The following TNS2 variants were observed in gnomAD, a reference collection of about 807,000 sequenced individuals.
TNS2 encodes tensin-2.
In TNS2, 77 loss-of-function variants were observed where a neutral mutation model predicts 155.7. The observed-to-expected ratio is 0.49, with a 90% CI of 0.41 to 0.60. The LOEUF is 0.60. Ranked by LOEUF, TNS2 falls within the 20% of genes least tolerant of loss-of-function variation. TNS2 has a pLI of 0.00. For missense variants in TNS2, 1,703 were observed against 1,868.8 expected (o/e 0.91, Z 1.64); for synonymous variants, 726 against 763.9 (o/e 0.95, Z 0.82).
chr12:53,048,491 G>T (rs2121037613), upstream of TNS2, among the ~76,000 whole-genome samples: 1 of 152,348 alleles, frequency 6.6e-6, no homozygotes, highest in African/African-American at 2.4e-5. Flanking sequence ...TCTCCCCCAA[G>T]CAGGGCTGGG....
rs565951518 is a variant in TNS2 at position 53,062,565 on chromosome 12, A to G, written c.3746-55A>G. The G allele has an allele frequency of 2.7e-5, 44 of 1,608,854 alleles. No individual in the cohort carries two copies. In the South Asian group the frequency reaches 4.5e-4, roughly 16 times the overall value. The stretch of plus-strand genomic sequence containing the variant: ...CTTGGGGAAGCAGAGGGAGTGCTCC[A>G]GCCTGGGGAACACTCTGCCTTCTGA... On this transcript the variant is annotated intron_variant, in intron 24 of 28. Coordinates refer to ENST00000314250, the MANE Select transcript of TNS2 (RefSeq NM_170754.4).
At chr12:53,056,313 C>T (rs7134440) in intron 10 of TNS2, 15,916 of 157,348 alleles carry the variant, frequency 0.1, 887 homozygotes, top group African/African-American at 0.15. Flanking sequence ...TGAGCCCACA[C>T]GGTGCCACTG....
rs746968749 is a variant in TNS2 at position 53,062,386 on chromosome 12, C to T, written c.3678C>T (p.Ser1226=). 2.4e-5 allele frequency: 38 copies of T among 1,613,890 alleles called. No individual in the cohort carries two copies. The highest frequency in any genetic ancestry group is 1.6e-4 in the Middle Eastern group (1 of 6,080). The change falls in exon 24 of 29, where the codon TCC becomes TCT. Residue 1226 remains serine (S), a synonymous_variant. Transcript: ENST00000314250. ...CCTCCTCTCCCACAGGCAGCCTGTC[C>T]GCCTTGGTCTCCCAGCACTCCATCT... The part of the protein sequence containing the change: ...CPSEPYFGSL[S]ALVSQHSISP...
chr12:53,049,277 G>T (rs759777802), upstream of TNS2: 5 of 1,588,188 alleles, frequency 3.1e-6, no homozygotes, highest in East Asian at 9.1e-5. Context: ...GGTTGCCGCG[G>T]GGGGAGGGTG....
In TNS2 at chr12:53,060,470, C is replaced by T; in HGVS notation, c.2683C>T (p.Arg895Ter). 1.2e-6 allele frequency: 2 copies of T among 1,613,762 alleles called. No individual in the cohort carries two copies. Among genetic ancestry groups the T allele is most frequent in the Non-Finnish European group, 8.5e-7 (1 of 1,179,978 alleles). The change falls in exon 19 of 29, where the codon CGA becomes TGA. Residue 895 changes from arginine (R) to a stop codon, truncating the protein, a stop_gained. Coordinates refer to ENST00000314250, the MANE Select transcript of TNS2 (RefSeq NM_170754.4). LOFTEE classifies it high-confidence loss of function. This position sits in a 1 kb window ranked among gnomAD's most constrained non-coding sequence, Gnocchi z 6.1. ...GCACAGCACACTGCCTCGGTCTCCC[C>T]GAGATGCCCCATGCAGTGCTTCGTC... The part of the protein sequence containing the change: ...SGHSTLPRSP[R>*]DAPCSASSEL...
At position 53,054,334 on chromosome 12, in the gene TNS2, C is replaced by A. The variant is rs893412062; in HGVS notation, c.415C>A (p.Arg139Ser). The change falls in exon 7 of 29, where the codon CGC becomes AGC. Residue 139 changes from arginine (R) to serine (S), a missense_variant. Transcript: ENST00000314250. ...WDLDLTYVTERILAAAFPARP... is the reference protein window; with the variant it reads ...WDLDLTYVTESILAAAFPARP... ...CTTAGACCTCACCTACGTGACGGAGCGCATCTTGGCCGCCGCCTTCCCCGC... is the reference window on the plus strand; with the variant it reads ...CTTAGACCTCACCTACGTGACGGAGAGCATCTTGGCCGCCGCCTTCCCCGC... 1.9e-6 allele frequency: 3 copies of A among 1,613,094 alleles called. No homozygotes were observed. The Admixed American group carries it at 5.0e-5, about 27-fold the overall frequency.
Position 53,060,509 on chromosome 12 carries a change from C to G in TNS2, c.2722C>G (p.Pro908Ala), listed in dbSNP as rs368399597. The G allele has an allele frequency of 1.2e-6, 2 of 1,613,706 alleles. No homozygotes were observed. Among genetic ancestry groups the G allele is most frequent in the African/African-American group, 2.7e-5 (2 of 74,880 alleles). Reference sequence around the variant, plus strand: ...CAGTGCTTCGTCAGAGTTGTCTGGTCCCTCCACGCCCCTGCACACCAGCAG... The same window carrying G: ...CAGTGCTTCGTCAGAGTTGTCTGGTGCCTCCACGCCCCTGCACACCAGCAG... ...PCSASSELSG[P>A]STPLHTSSPV... is the part of the protein sequence containing the mutation. The change falls in exon 19 of 29, where the codon CCC (proline) becomes GCC (alanine). Residue 908 changes from proline (P) to alanine (A), a missense_variant. By Grantham distance (27) the Pro-to-Ala change is conservative (BLOSUM62 -1). Transcript: ENST00000314250. This position sits in a 1 kb window ranked among gnomAD's most constrained non-coding sequence, Gnocchi z 6.1.
chr12:53,062,584 C>T (rs1397243365), intron 24 of TNS2, 36 bp from the exon 25 acceptor site: 5 of 1,612,264 alleles, frequency 3.1e-6, no homozygotes, highest in Admixed American at 3.3e-5. Flanking sequence ...AACACTCTGC[C>T]TTCTGAGCTT....
chr12:53,059,156 C>T lies in TNS2; in HGVS notation c.1515C>T (p.Pro505=). Residue 505 remains proline, a synonymous_variant, in exon 18 of 29, where the codon CCC becomes CCT. Transcript: ENST00000314250. This position sits in a 1 kb window ranked among gnomAD's most constrained non-coding sequence, Gnocchi z 4.7. Reference sequence around the variant, plus strand: ...CCTCTCCAGAGCCTCCACCACCCCCCATGCTCTCTGTCAGCAGCGACTCAG... The same window carrying T: ...CCTCTCCAGAGCCTCCACCACCCCCTATGCTCTCTGTCAGCAGCGACTCAG... ...PAPSPEPPPP[P]MLSVSSDSGH... 1 of 1,600,066 alleles carries T rather than the reference C, an allele frequency of 6.2e-7. No homozygotes were observed. The highest frequency in any genetic ancestry group is 8.5e-7 in the Non-Finnish European group (1 of 1,176,966).
chr12:53,049,229 G>A (rs1444307992), upstream of TNS2: 1 of 1,606,882 alleles, frequency 6.2e-7, no homozygotes, highest in Non-Finnish European at 8.5e-7. Flanking sequence ...AAGGAGAGCA[G>A]ACCCAGGAGA....
intron 7 of TNS2, 92 bp downstream of exon 7, chr12:53,054,533 G>A: frequency 1.4e-6 from 2 of 1,397,766 alleles, no homozygotes; most frequent in Non-Finnish European, 1.9e-6. Flanking sequence ...GCGGAGGCGA[G>A]GCCGCCAGGG....
chr12:53,049,964 C>T, upstream of TNS2: 2 of 1,132,738 alleles, frequency 1.8e-6, no homozygotes, highest in Non-Finnish European at 2.4e-6. Context: ...CTCCTGGCCT[C>T]CCCCACATCC....
Position 53,053,817 on chromosome 12 carries a change from G to A in TNS2, c.300+5G>A. 1 of 1,613,374 alleles carries A rather than the reference G, an allele frequency of 6.2e-7. No homozygotes were observed. The highest frequency in any genetic ancestry group is 1.1e-5 in the South Asian group (1 of 91,068). On this transcript the variant is annotated splice_donor_5th_base_variant and intron_variant, in intron 5 of 28. Coordinates refer to ENST00000314250, the MANE Select transcript of TNS2 (RefSeq NM_170754.4). ...GTCAGGCGCATAGAGCACCTGGTAAGGTGATGCTGGAGCAGGAGGGGGAAG... is the reference window on the plus strand; with the variant it reads ...GTCAGGCGCATAGAGCACCTGGTAAAGTGATGCTGGAGCAGGAGGGGGAAG...
At chr12:53,055,457 G>A in intron 8 of TNS2, 111 bp from the exon 9 acceptor site, 2 of 1,368,504 alleles carry the variant, frequency 1.5e-6, no homozygotes, top group Non-Finnish European at 2.0e-6. Flanking sequence ...TGGACAACCA[G>A]CAGACCCCCA....
chr12:53,062,235 G>C lies in TNS2; in HGVS notation c.3657G>C (p.Glu1219Asp). Residue 1219 changes from glutamate to aspartate, a missense_variant, in exon 23 of 29, where the codon GAG (glutamate) becomes GAC (aspartate). Transcript: ENST00000314250. Reference protein sequence around the residue: ...KGVKIKGCPSEPYFGSLSALV... With the variant: ...KGVKIKGCPSDPYFGSLSALV... ...TGAAGATCAAGGGCTGCCCCAGTGAGCCCTACTTTGGTGAGAAGCAGGAGC... is the reference window on the plus strand; with the variant it reads ...TGAAGATCAAGGGCTGCCCCAGTGACCCCTACTTTGGTGAGAAGCAGGAGC... The C allele has an allele frequency of 1.2e-6, 2 of 1,614,036 alleles. No homozygotes were observed. Among genetic ancestry groups the C allele is most frequent in the Non-Finnish European group, 1.7e-6 (2 of 1,179,960 alleles).
rs1347113011 is a variant in TNS2 at position 53,062,219 on chromosome 12, A to G, written c.3641A>G (p.Lys1214Arg). The part of the protein sequence containing the change: ...IETGPKGVKI[K>R]GCPSEPYFGS... ...ACTGGGCCCAAAGGGGTGAAGATCA[A>G]GGGCTGCCCCAGTGAGCCCTACTTT... The change falls in exon 23 of 29, where the codon AAG becomes AGG. Residue 1214 changes from lysine (K) to arginine (R), a missense_variant. Lys to Arg is a conservative substitution (Grantham distance 26). Coordinates refer to ENST00000314250, the MANE Select transcript of TNS2 (RefSeq NM_170754.4). The G allele has an allele frequency of 6.2e-7, 1 of 1,614,044 alleles. No individual in the cohort carries two copies. The highest frequency in any genetic ancestry group is 8.5e-7 in the Non-Finnish European group (1 of 1,179,966).
rs748132194 is a variant in TNS2, at chr12:53,063,413, C to T, written c.4057C>T (p.Arg1353Trp). ...CTTCTCCAGCACTGACCCTCAAGAC[C>T]GGAGGTGACTCTCCCTCCAAACCCT... ...ITFSSTDPQD[R>W]RWTNPDGTTS... Residue 1353 changes from arginine (R) to tryptophan (W), a missense_variant, in exon 27 of 29, where the codon CGG becomes TGG. Arg to Trp is a moderately radical substitution (Grantham distance 101). Coordinates refer to ENST00000314250, the MANE Select transcript of TNS2 (RefSeq NM_170754.4). The surrounding 1 kb of genome is among the most constrained non-coding windows in gnomAD (Gnocchi z 5.6). The T allele has an allele frequency of 2.5e-6, 4 of 1,613,974 alleles. No individual in the cohort carries two copies. Among genetic ancestry groups the T allele is most frequent in the East Asian group, 2.2e-5 (1 of 44,876 alleles).
upstream of TNS2, among the ~76,000 whole-genome samples, chr12:53,047,948 A>G (rs1943786255): frequency 6.6e-6 from 1 of 152,000 alleles, no homozygotes. Flanking sequence ...TTCCAACCAC[A>G]GCTATTTCCA....
upstream of TNS2, chr12:53,050,032 A>G: frequency 7.0e-7 from 1 of 1,435,722 alleles, no homozygotes; most frequent in Non-Finnish European, 9.1e-7. This position sits in a 1 kb window ranked among gnomAD's most constrained non-coding sequence, Gnocchi z 4.7. Context: ...ACTTCCCTCC[A>G]CTTCCAGGGC....
Sources: allele counts gnomAD v4.1 joint callset (sites outside exome capture counted in the v4.1 genomes callset), GRCh38; gene constraint gnomAD v4.1.1; non-coding constraint Gnocchi (gnomAD v3.1); transcripts MANE v1.5; gene names NCBI Gene and HGNC (gene_info 2026-07-23, HGNC 2026-07-21).